CSMD1: variants seen among roughly 807,000 people sequenced by gnomAD.
The protein encoded by CSMD1 is CUB and sushi domain-containing protein 1.
Under a neutral mutation model 417.5 loss-of-function variants are expected in CSMD1, and 213 were observed. The observed-to-expected ratio is 0.51, with a 90% confidence interval of 0.46 to 0.57. The LOEUF (loss-of-function observed/expected upper bound fraction) is 0.57, where lower values mean the gene tolerates loss of function less well. CSMD1 is among the 20% of genes least tolerant of loss of function. The probability of loss-of-function intolerance (pLI) is 0.00; values close to 1 mark genes in which losing one functional copy is unlikely to be tolerated. For missense variants in CSMD1, 6,923 were observed against 4,529.7 expected, an observed-to-expected ratio of 1.53 and a Z score of -15.17; for synonymous variants, 2,862 against 1,736.8, an observed-to-expected ratio of 1.65 and a Z score of -16.11.
At chr8:3,398,364 C>A (rs928772560) in intron 16 of CSMD1, among the ~76,000 whole-genome samples, 2 of 152,072 alleles carry the variant, frequency 1.3e-5, no homozygotes, top group African/African-American at 2.4e-5. Context: ...ACTTTTTTCT[C>A]TTGTTCTAAG....
intron 26 of CSMD1, among the ~76,000 whole-genome samples, chr8:3,276,523 A>G (rs896657700): frequency 2.0e-5 from 3 of 152,154 alleles, no homozygotes; most frequent in Non-Finnish European, 2.9e-5. Flanking sequence ...ATTCACTATC[A>G]TGAGAACAGC....
chr8:4,054,149 G>A (rs975446775), intron 3 of CSMD1, among the ~76,000 whole-genome samples: 1 of 152,118 alleles, frequency 6.6e-6, no homozygotes, highest in African/African-American at 2.4e-5. Flanking sequence ...TGTAAGTACA[G>A]AACTCCTCAT....
At chr8:3,489,820 G>C (rs187019802) in intron 11 of CSMD1, among the ~76,000 whole-genome samples, 2 of 152,092 alleles carry the variant, frequency 1.3e-5, no homozygotes, top group Non-Finnish European at 2.9e-5. Flanking sequence ...GATGTAACTA[G>C]AATTCCATAT....
intron 23 of CSMD1, among the ~76,000 whole-genome samples, chr8:3,334,949 G>A (rs1026679630): frequency 1.3e-5 from 2 of 152,194 alleles, no homozygotes; most frequent in East Asian, 1.9e-4. Flanking sequence ...CTAGTCCAAC[G>A]AGCCTTCTCC....
intron 5 of CSMD1, among the ~76,000 whole-genome samples, chr8:3,850,674 G>A (rs565587366): frequency 2.0e-5 from 3 of 152,022 alleles, no homozygotes; most frequent in African/African-American, 4.8e-5. Context: ...CAGCCTGGGT[G>A]ACAGAGTGCG....
chr8:4,458,425 C>T (rs1233182657), intron 2 of CSMD1, among the ~76,000 whole-genome samples: 1 of 152,028 alleles, frequency 6.6e-6, no homozygotes, highest in African/African-American at 2.4e-5. Context: ...TGATTTTTAT[C>T]AGTTGGTTTC....
chr8:4,212,854 C>G (rs191505310), intron 3 of CSMD1, among the ~76,000 whole-genome samples: 2 of 147,210 alleles, frequency 1.4e-5, no homozygotes, highest in East Asian at 4.1e-4. Context: ...TCTAGTCCAG[C>G]TTTCCATCCT....
intron 1 of CSMD1, among the ~76,000 whole-genome samples, chr8:4,799,479 G>A (rs779620820): frequency 6.6e-6 from 1 of 151,488 alleles, no homozygotes; most frequent in African/African-American, 2.4e-5. Context: ...TGTGCCTGTA[G>A]CCCCAGCTAC....
intron 5 of CSMD1, among the ~76,000 whole-genome samples, chr8:3,915,283 G>A (rs1245968064): frequency 6.6e-6 from 1 of 151,766 alleles, no homozygotes; most frequent in Non-Finnish European, 1.5e-5. Flanking sequence ...GTGTGTGCCT[G>A]TAGTCTCAGC....
At chr8:4,728,234 A>G (rs956572919) in intron 1 of CSMD1, among the ~76,000 whole-genome samples, 1 of 149,494 alleles carries the variant, frequency 6.7e-6, no homozygotes, top group Admixed American at 6.7e-5. Flanking sequence ...GTGTGATCCT[A>G]CACCTAATGA....
intron 10 of CSMD1, among the ~76,000 whole-genome samples, chr8:3,558,350 A>ACCC: frequency 7.9e-6 from 1 of 126,940 alleles, no homozygotes; most frequent in African/African-American, 2.8e-5. Context: ...CCCCGTGTCC[A>ACCC]CTCCTCCAAT....
chr8:3,314,427 T>A (rs564159876), intron 23 of CSMD1, among the ~76,000 whole-genome samples: 12 of 152,306 alleles, frequency 7.9e-5, no homozygotes, highest in African/African-American at 2.9e-4. Flanking sequence ...CTTTTCTATC[T>A]TGAAGCCACT....
intron 3 of CSMD1, among the ~76,000 whole-genome samples, chr8:4,091,592 G>T (rs940026057): frequency 1.3e-5 from 2 of 152,068 alleles, no homozygotes; most frequent in African/African-American, 4.8e-5. Flanking sequence ...ATAATTGTAG[G>T]ACATACACCT....
intron 15 of CSMD1, 86 bp from the exon 16 acceptor site, chr8:3,399,615 T>G: frequency 2.0e-6 from 2 of 1,024,614 alleles, no homozygotes; most frequent in Admixed American, 3.3e-5. Flanking sequence ...CAGAATCTGC[T>G]TCTGTGTTCA....
intron 3 of CSMD1, among the ~76,000 whole-genome samples, chr8:4,060,677 A>G (rs901248733): frequency 6.6e-6 from 1 of 152,138 alleles, no homozygotes; most frequent in Non-Finnish European, 1.5e-5. Flanking sequence ...ATGAACATAG[A>G]TAAGGCCTGA....
At chr8:4,139,482 G>C (rs1803645720) in intron 3 of CSMD1, among the ~76,000 whole-genome samples, 2 of 151,404 alleles carry the variant, frequency 1.3e-5, no homozygotes, top group Non-Finnish European at 2.9e-5. Context: ...AGTGAGGAAG[G>C]TGGCGTGGAT....
intron 1 of CSMD1, among the ~76,000 whole-genome samples, chr8:4,821,955 G>A (rs143498751): frequency 6.6e-6 from 1 of 152,010 alleles, no homozygotes; most frequent in African/African-American, 2.4e-5. Context: ...ATCGAATAAA[G>A]CTTCTCAGAG....
chr8:4,162,933 T>C (rs1797253604), intron 3 of CSMD1, among the ~76,000 whole-genome samples: 1 of 152,210 alleles, frequency 6.6e-6, no homozygotes, highest in Non-Finnish European at 1.5e-5. Context: ...CTGGTCTTTT[T>C]ACTGTCTCTA....
At chr8:3,371,753 T>G (rs543984495) in intron 18 of CSMD1, among the ~76,000 whole-genome samples, 11 of 152,286 alleles carry the variant, frequency 7.2e-5, no homozygotes, top group African/African-American at 2.6e-4. Context: ...GTAAACCTCA[T>G]GGGAAGCATG....
Sources: gnomAD v4.1 joint callset for allele counts (sites outside exome capture counted in the v4.1 genomes callset) on GRCh38, gnomAD v4.1.1 for gene constraint, MANE v1.5 for transcripts, NCBI Gene and HGNC (gene_info 2026-07-23, HGNC 2026-07-21) for gene names.